The following TPRG1 variants were observed in gnomAD, a reference collection of about 807,000 sequenced individuals.
The protein encoded by TPRG1 is tumor protein p63-regulated gene 1 protein.
Under a neutral mutation model 29.3 loss-of-function variants are expected in TPRG1, and 29 were observed. That is an observed-to-expected ratio of 0.99 (90% CI 0.74 to 1.35). The LOEUF (loss-of-function observed/expected upper bound fraction) is 1.35. Ranked by LOEUF, TPRG1 falls within the 40% of genes most tolerant of loss-of-function variation. The pLI, the probability that TPRG1 is intolerant of heterozygous loss-of-function variation, is 0.00. For missense variants in TPRG1, 327 were observed against 335.0 expected, an observed-to-expected ratio of 0.98 and a Z score of 0.19; for synonymous variants, 130 against 116.8, an observed-to-expected ratio of 1.11 and a Z score of -0.73.
intron 3 of TPRG1, among the ~76,000 whole-genome samples, chr3:189,007,986 A>G (rs9828568): frequency 0.032 from 4,813 of 148,562 alleles, 276 homozygotes; most frequent in African/African-American, 0.12. Context: ...AGCATGGCAC[A>G]TGTATACATA....
At chr3:189,206,408 T>C (rs1314146835) in intron 1 of TPRG1, among the ~76,000 whole-genome samples, 1 of 152,008 alleles carries the variant, frequency 6.6e-6, no homozygotes, top group East Asian at 1.9e-4. Context: ...TGTTTTTACA[T>C]ACAGTGTTGT....
chr3:189,002,614 A>T (rs1159014776), intron 2 of TPRG1, among the ~76,000 whole-genome samples: 1 of 152,130 alleles, frequency 6.6e-6, no homozygotes, highest in Non-Finnish European at 1.5e-5. Flanking sequence ...TGAAGTCCTT[A>T]ACTTTAAGGG....
intron 1 of TPRG1, among the ~76,000 whole-genome samples, chr3:189,122,932 T>C (rs1190768229): frequency 6.6e-6 from 1 of 152,228 alleles, no homozygotes; most frequent in East Asian, 1.9e-4. Context: ...TGAGCTCTTA[T>C]TATGTGCCAG....
At chr3:189,040,150 G>T (rs951748170) in intron 4 of TPRG1, among the ~76,000 whole-genome samples, 2 of 152,010 alleles carry the variant, frequency 1.3e-5, no homozygotes, top group African/African-American at 2.4e-5. Flanking sequence ...CAAATTTGGG[G>T]GTTACATTTT....
chr3:189,254,247 A>G (rs1484402273), intron 4 of TPRG1, among the ~76,000 whole-genome samples: 1 of 152,062 alleles, frequency 6.6e-6, no homozygotes, highest in Non-Finnish European at 1.5e-5. Flanking sequence ...ATGGCTAGCC[A>G]TTTTTCCCAA....
chr3:189,257,479 T>C (rs938874813), intron 4 of TPRG1, among the ~76,000 whole-genome samples: 5 of 152,154 alleles, frequency 3.3e-5, no homozygotes, highest in Non-Finnish European at 5.9e-5. Flanking sequence ...GATGATTATG[T>C]GTGTTGGGGT....
At chr3:189,058,015 C>G (rs922387555) in intron 4 of TPRG1, among the ~76,000 whole-genome samples, 1 of 151,536 alleles carries the variant, frequency 6.6e-6, no homozygotes, top group African/African-American at 2.4e-5. Context: ...ATTAACATGA[C>G]AGTATGTATA....
intron 4 of TPRG1, among the ~76,000 whole-genome samples, chr3:189,090,551 T>G (rs1442623409): frequency 6.6e-6 from 1 of 152,084 alleles, no homozygotes; most frequent in Non-Finnish European, 1.5e-5. Context: ...TATTTAGATA[T>G]TTTGCATCCA....
intron 4 of TPRG1, among the ~76,000 whole-genome samples, chr3:189,087,905 T>G (rs916347698): frequency 5.3e-5 from 8 of 152,230 alleles, no homozygotes; most frequent in African/African-American, 1.9e-4. Context: ...TTTTGGTTAC[T>G]GTAGCCTTGT....
chr3:189,222,361 G>T (rs79017029), intron 3 of TPRG1, among the ~76,000 whole-genome samples: 1 of 152,126 alleles, frequency 6.6e-6, no homozygotes, highest in Non-Finnish European at 1.5e-5. Flanking sequence ...GGAAATCAGA[G>T]ATTTCTAATC....
chr3:189,184,082 T>C (rs1209121841), intron 1 of TPRG1, among the ~76,000 whole-genome samples: 1 of 152,180 alleles, frequency 6.6e-6, no homozygotes, highest in African/African-American at 2.4e-5. Context: ...ACAATCCATG[T>C]TCTTCTGCCA....
At chr3:189,148,058 C>G (rs1725480593) in intron 4 of TPRG1, among the ~76,000 whole-genome samples, 2 of 152,184 alleles carry the variant, frequency 1.3e-5, no homozygotes, top group Admixed American at 6.5e-5. Context: ...GGTTCTGATT[C>G]ACAGATGTGA....
At chr3:189,102,037 A>G (rs1719268223) in intron 1 of TPRG1, among the ~76,000 whole-genome samples, 1 of 152,082 alleles carries the variant, frequency 6.6e-6, no homozygotes. Flanking sequence ...TATTACTACC[A>G]TGTCTCTCCT....
At chr3:189,137,552 A>G (rs1723930292) in intron 3 of TPRG1, among the ~76,000 whole-genome samples, 1 of 152,162 alleles carries the variant, frequency 6.6e-6, no homozygotes, top group African/African-American at 2.4e-5. Flanking sequence ...CATTCCACAC[A>G]GCCCTTATTG....
intron 5 of TPRG1, among the ~76,000 whole-genome samples, chr3:189,312,178 TTTCTTTTTTTC>T (rs1722751404): frequency 0.054 from 3,110 of 57,708 alleles, 37 homozygotes; most frequent in East Asian, 0.14. Context: ...TCTTTCTTTC[TTTCTTTTTTTC>T]TTTCTTTCTT....
intron 4 of TPRG1, among the ~76,000 whole-genome samples, chr3:189,265,390 TC>T (rs1713882956): frequency 6.6e-6 from 1 of 152,204 alleles, no homozygotes; most frequent in African/African-American, 2.4e-5. Context: ...ATTTTCTTTT[TC>T]TACCTTTCCG....
chr3:189,090,481 G>A (rs2152179282), intron 4 of TPRG1, among the ~76,000 whole-genome samples: 1 of 152,100 alleles, frequency 6.6e-6, no homozygotes, highest in African/African-American at 2.4e-5. Flanking sequence ...TACTTAGGAT[G>A]ACGATTATTG....
chr3:189,200,148 A>G (rs1733234089), intron 1 of TPRG1, among the ~76,000 whole-genome samples: 1 of 152,030 alleles, frequency 6.6e-6, no homozygotes, highest in South Asian at 2.1e-4. Flanking sequence ...AGAGCAGAGG[A>G]CTCTGCCTGG....
chr3:189,240,072 A>G (rs892655850), intron 4 of TPRG1, among the ~76,000 whole-genome samples: 1 of 152,126 alleles, frequency 6.6e-6, no homozygotes, highest in Non-Finnish European at 1.5e-5. Flanking sequence ...AGGGTCTGAA[A>G]TCTTTTCAAT....
Sources: gnomAD v4.1 joint callset for allele counts (sites outside exome capture counted in the v4.1 genomes callset) on GRCh38, gnomAD v4.1.1 for gene constraint, MANE v1.5 for transcripts, NCBI Gene and HGNC (gene_info 2026-07-23, HGNC 2026-07-21) for gene names.